Variants in WIF1 observed in about 807,000 individuals in gnomAD.
The protein encoded by WIF1 is Wnt inhibitory factor 1.
In WIF1, 35 loss-of-function variants were observed where a neutral mutation model predicts 53.5. The ratio of observed to expected loss-of-function variants is 0.65; its 90% CI spans 0.50 to 0.87. The LOEUF (loss-of-function observed/expected upper bound fraction) is 0.87, where lower values mean the gene tolerates loss of function less well. WIF1 is among the 40% of genes least tolerant of loss of function. The probability of loss-of-function intolerance (pLI) is 0.00; values close to 1 mark genes in which losing one functional copy is unlikely to be tolerated. For synonymous variants in WIF1, 171 were observed against 170.4 expected (o/e 1.00, Z -0.03); for missense variants, 467 against 476.8 (o/e 0.98, Z 0.19).
intron 7 of WIF1, among the ~76,000 whole-genome samples, chr12:65,061,003 G>C (rs1882603192): frequency 6.6e-6 from 1 of 152,156 alleles, no homozygotes; most frequent in Non-Finnish European, 1.5e-5. Context: ...AGGAAAATGA[G>C]CCTATGAACA....
chr12:65,094,599 CT>C (rs1325319800), intron 2 of WIF1, among the ~76,000 whole-genome samples: 2 of 152,074 alleles, frequency 1.3e-5, no homozygotes, highest in Non-Finnish European at 2.9e-5. Flanking sequence ...TCTGATCTAT[CT>C]AAGGGGGCAA....
chr12:65,094,060 A>C (rs1370580238), intron 2 of WIF1, among the ~76,000 whole-genome samples: 1 of 152,182 alleles, frequency 6.6e-6, no homozygotes, highest in Non-Finnish European at 1.5e-5. Flanking sequence ...GTCCTGCATA[A>C]TACACATATC....
At chr12:65,107,091 A>G (rs1001005919) in intron 2 of WIF1, among the ~76,000 whole-genome samples, 3 of 152,242 alleles carry the variant, frequency 2.0e-5, no homozygotes, top group African/African-American at 7.2e-5. Context: ...CTTCTGTTAC[A>G]CAGAGAGCAC....
At chr12:65,060,662 AT>A (rs1268869631) in intron 7 of WIF1, among the ~76,000 whole-genome samples, 1 of 152,222 alleles carries the variant, frequency 6.6e-6, no homozygotes, top group Non-Finnish European at 1.5e-5. Flanking sequence ...CGAATGGTAC[AT>A]TTTAAAATGT....
chr12:65,066,313 C>T (rs1019444611), intron 6 of WIF1, among the ~76,000 whole-genome samples: 5 of 152,068 alleles, frequency 3.3e-5, no homozygotes, highest in African/African-American at 9.7e-5. Flanking sequence ...TACTTCAATC[C>T]TTCTCTGCCT....
At chr12:65,117,798 A>G (rs974158237) in intron 2 of WIF1, among the ~76,000 whole-genome samples, 15 of 152,156 alleles carry the variant, frequency 9.9e-5, no homozygotes, top group African/African-American at 2.7e-4. Context: ...GCAATTCACA[A>G]TAGGGTTCAC....
chr12:65,055,123 T>C lies in WIF1; in HGVS notation c.1013A>G (p.Asn338Ser). The change falls in exon 9 of 10, where the codon AAT becomes AGT. Residue 338 changes from asparagine to serine, a missense_variant. Asn to Ser is a conservative substitution (Grantham distance 46). Transcript: ENST00000286574. The part of the protein sequence containing the change: ...CQEGWHGRHC[N>S]KRYEASLIHA... ...TTTTTATTTCTCCCACTCACTTTTA[T>C]TGCAGTGTCTTCCATGCCAACCTTC... 1.9e-6 allele frequency: 3 copies of C among 1,613,616 alleles called. No individual in the cohort carries two copies. Among genetic ancestry groups the C allele is most frequent in the Non-Finnish European group, 2.5e-6 (3 of 1,179,906 alleles).
intron 2 of WIF1, among the ~76,000 whole-genome samples, chr12:65,118,863 A>C (rs1461014936): frequency 7.6e-6 from 1 of 131,188 alleles, no homozygotes; most frequent in Non-Finnish European, 1.6e-5. Flanking sequence ...TAGAGAGAGG[A>C]GGGAGGGAGA....
chr12:65,097,160 TA>T lies in WIF1; in HGVS notation c.289-19307del, dbSNP rs1050951909. On this transcript the variant is annotated intron_variant, in intron 2 of 9. Transcript: ENST00000286574. Reference sequence around the variant, plus strand: ...AAAACTGGGCCTCTTTTATTCACCTTAAAAAAAAAAAAAGAACAGCTCTGAG... The same window carrying T: ...AAAACTGGGCCTCTTTTATTCACCTTAAAAAAAAAAAAGAACAGCTCTGAG... Among the ~76,000 whole-genome samples, 1,087 of 141,816 alleles carry T rather than the reference TA, an allele frequency of 7.7e-3. 6 individuals carry two copies. Among genetic ancestry groups the T allele is most frequent in the African/African-American group, 0.02 (777 of 38,970 alleles). The allele number at this position is 141,816 out of a possible 152,430, so 93.0% of individuals were successfully genotyped here.
At chr12:65,111,319 G>A (rs17101044) in intron 2 of WIF1, among the ~76,000 whole-genome samples, 12,225 of 151,856 alleles carry the variant, frequency 0.081, 609 homozygotes, top group Admixed American at 0.16. Flanking sequence ...CCCATTTTCC[G>A]CTCCTTTCTA....
At chr12:65,074,604 G>A (rs1019986541) in intron 3 of WIF1, among the ~76,000 whole-genome samples, 1 of 151,876 alleles carries the variant, frequency 6.6e-6, no homozygotes, top group African/African-American at 2.4e-5. Flanking sequence ...GATCACTTGA[G>A]GTCAGGAGTT....
At chr12:65,120,674 C>T in intron 1 of WIF1, 118 bp from the exon 2 acceptor site, 3 of 1,208,238 alleles carry the variant, frequency 2.5e-6, no homozygotes, top group Non-Finnish European at 2.3e-6. Flanking sequence ...TCACAAGCAT[C>T]TGCCTTCAGT....
intron 2 of WIF1, among the ~76,000 whole-genome samples, chr12:65,111,464 C>A (rs578087334): frequency 7.4e-4 from 113 of 152,224 alleles, no homozygotes; most frequent in Non-Finnish European, 9.9e-4. Flanking sequence ...CCAACCACAC[C>A]AAAGTACCAG....
chr12:65,120,892 G>A (rs1883598436), intron 1 of WIF1, 152 bp downstream of exon 1: 2 of 1,118,166 alleles, frequency 1.8e-6, no homozygotes, highest in Admixed American at 3.6e-5. Flanking sequence ...AAGTTTATAA[G>A]CTTTCAGATG....
intron 6 of WIF1, among the ~76,000 whole-genome samples, chr12:65,065,831 T>C (rs1882679584): frequency 6.6e-6 from 1 of 152,158 alleles, no homozygotes; most frequent in Admixed American, 6.6e-5. Flanking sequence ...ACAAGTCTCT[T>C]GTAAAGAGTA....
intron 2 of WIF1, among the ~76,000 whole-genome samples, chr12:65,116,661 G>A (rs540370807): frequency 5.9e-5 from 9 of 151,870 alleles, no homozygotes; most frequent in East Asian, 3.9e-4. Context: ...TCCACCAGGC[G>A]TGGTGGCTCA....
intron 2 of WIF1, among the ~76,000 whole-genome samples, chr12:65,086,514 G>A (rs1883040339): frequency 6.6e-6 from 1 of 152,068 alleles, no homozygotes. Context: ...AGGAGGTGTG[G>A]AAAAAGGAAC....
intron 7 of WIF1, among the ~76,000 whole-genome samples, chr12:65,060,080 A>T (rs1350006118): frequency 6.6e-6 from 1 of 152,294 alleles, no homozygotes; most frequent in African/African-American, 2.4e-5. Flanking sequence ...ATGTGGAGAA[A>T]CTGGAACCCT....
chr12:65,117,139 A>G (rs1883524914), intron 2 of WIF1, among the ~76,000 whole-genome samples: 1 of 151,908 alleles, frequency 6.6e-6, no homozygotes, highest in African/African-American at 2.4e-5. Context: ...CTATTTTTTA[A>G]TTTTTATAAA....
Sources: gnomAD v4.1 joint callset for allele counts (sites outside exome capture counted in the v4.1 genomes callset) on GRCh38, gnomAD v4.1.1 for gene constraint, MANE v1.5 for transcripts, NCBI Gene and HGNC (gene_info 2026-07-23, HGNC 2026-07-21) for gene names.